Variants in KLHL4 observed in about 807,000 individuals in gnomAD.
The protein encoded by KLHL4 is kelch-like protein 4.
KLHL4 carries 17 observed loss-of-function variants against 45.8 expected under a neutral mutation model. The ratio of observed to expected loss-of-function variants is 0.37; its 90% CI spans 0.25 to 0.56. The LOEUF is 0.56. Among genes scored for constraint, KLHL4 ranks in the 20% least tolerant of loss-of-function variants. KLHL4 has a pLI of 0.79. For missense variants in KLHL4, 544 were observed against 544.9 expected (o/e 1.00, Z 0.02); for synonymous variants, 224 against 189.9 (o/e 1.18, Z -1.47).
At chrX:87,523,941 C>T (rs1384872196) in intron 1 of KLHL4, among the ~76,000 whole-genome samples, 10 of 109,513 alleles carry the variant, frequency 9.1e-5, no homozygotes, top group South Asian at 7.8e-4. Context: ...CCAGCCTGGG[C>T]GACAGAGTGA....
At chrX:87,597,897 G>T (rs941134201) in intron 1 of KLHL4, among the ~76,000 whole-genome samples, 4 of 110,085 alleles carry the variant, frequency 3.6e-5, no homozygotes, top group Admixed American at 2.9e-4. Flanking sequence ...TCTAGTAATT[G>T]GATATTTGGT....
chrX:87,538,766 C>T (rs5969241), intron 1 of KLHL4, among the ~76,000 whole-genome samples: 25,886 of 110,021 alleles, frequency 0.24, 2,648 homozygotes, highest in East Asian at 0.52. Flanking sequence ...ATTTTCAATC[C>T]TTCACCTTCC....
At position 87,517,919 on chromosome X, in the gene KLHL4, T is replaced by C. The variant is rs1223589345; in HGVS notation, c.26T>C (p.Phe9Ser). 2.5e-6 allele frequency: 3 copies of C among 1,206,455 alleles called. No homozygotes were observed. The highest frequency in any genetic ancestry group is 3.4e-6 in the Non-Finnish European group (3 of 893,290). The change falls in exon 1 of 11, where the codon TTT becomes TCT. Residue 9 changes from phenylalanine (F) to serine (S), a missense_variant. Coordinates refer to ENST00000373119, the MANE Select transcript of KLHL4 (RefSeq NM_019117.5). Reference protein sequence around the residue: MSVSGKKEFDVKQILRLRW... With the variant: MSVSGKKESDVKQILRLRW... The stretch of plus-strand genomic sequence containing the variant: ...ATGTCAGTGTCTGGCAAGAAAGAGT[T>C]TGATGTGAAACAGATCCTAAGGCTA...
chrX:87,544,315 C>T (rs762073625), intron 1 of KLHL4, among the ~76,000 whole-genome samples: 22 of 111,563 alleles, frequency 2.0e-4, no homozygotes, highest in Non-Finnish European at 3.6e-4. Flanking sequence ...CAGTAAAATA[C>T]CAGGTAGGTT....
chrX:87,519,968 C>T (rs1000733966), intron 1 of KLHL4, among the ~76,000 whole-genome samples: 4 of 111,772 alleles, frequency 3.6e-5, no homozygotes, highest in Admixed American at 9.6e-5. Context: ...GTTTAAAAAG[C>T]GCATTTATCC....
chrX:87,610,028 C>G (rs1000462511), intron 1 of KLHL4, among the ~76,000 whole-genome samples: 1 of 111,688 alleles, frequency 9.0e-6, no homozygotes, highest in Non-Finnish European at 1.9e-5. Context: ...AATGTCAAAA[C>G]TATATCAAGG....
chrX:87,666,462 T>G lies in KLHL4; in HGVS notation c.2098-13T>G. 1 of 1,173,615 alleles carries G rather than the reference T, an allele frequency of 8.5e-7. No homozygotes were observed. The highest frequency in any genetic ancestry group is 1.2e-6 in the Non-Finnish European group (1 of 865,513). On this transcript the variant is annotated splice_polypyrimidine_tract_variant and intron_variant, in intron 10 of 10. Coordinates refer to ENST00000373119, the MANE Select transcript of KLHL4 (RefSeq NM_019117.5). ...AGTTCCAACAGTGTTTTGTTTCTTA[T>G]TTTGTGTTTTAGGAAGTTCCTGTTA...
intron 1 of KLHL4, among the ~76,000 whole-genome samples, chrX:87,592,436 T>C (rs1436245049): frequency 9.0e-6 from 1 of 111,575 alleles, no homozygotes; most frequent in Non-Finnish European, 1.9e-5. Flanking sequence ...GAGACAGCCA[T>C]ACTGTGCTTC....
chrX:87,518,632 G>A, intron 1 of KLHL4, among the ~76,000 whole-genome samples: 1 of 111,808 alleles, frequency 8.9e-6, no homozygotes, highest in South Asian at 3.7e-4. Flanking sequence ...TGGCTCAGAT[G>A]TTTAAATGCA....
intron 7 of KLHL4, among the ~76,000 whole-genome samples, chrX:87,632,890 G>T (rs1923144036): frequency 9.0e-6 from 1 of 111,091 alleles, no homozygotes. Context: ...ATAAGAGTTG[G>T]CTGAACAACA....
intron 1 of KLHL4, among the ~76,000 whole-genome samples, chrX:87,595,019 C>T (rs1431971615): frequency 2.0e-5 from 2 of 101,162 alleles, no homozygotes; most frequent in African/African-American, 7.2e-5. Context: ...ACCCTTCTCT[C>T]TTTTTTTTTT....
intron 1 of KLHL4, among the ~76,000 whole-genome samples, chrX:87,589,249 G>C (rs745387366): frequency 1.5e-4 from 17 of 111,980 alleles, no homozygotes; most frequent in Non-Finnish European, 2.6e-4. Flanking sequence ...CAATTTGGAT[G>C]TTCCTCAATC....
intron 1 of KLHL4, among the ~76,000 whole-genome samples, chrX:87,583,236 C>T (rs1287525257): frequency 8.9e-6 from 1 of 111,796 alleles, no homozygotes; most frequent in East Asian, 2.9e-4. Flanking sequence ...TTACAATCCT[C>T]TTGTAAGACA....
chrX:87,548,952 A>C (rs1931747348), intron 1 of KLHL4, among the ~76,000 whole-genome samples: 2 of 110,221 alleles, frequency 1.8e-5, no homozygotes, highest in Admixed American at 1.9e-4. Flanking sequence ...AAATGGACTA[A>C]ACTGTCCAAT....
intron 1 of KLHL4, among the ~76,000 whole-genome samples, chrX:87,523,049 T>A (rs1931034918): frequency 8.9e-6 from 1 of 112,248 alleles, no homozygotes; most frequent in Non-Finnish European, 1.9e-5. Flanking sequence ...GTGAAAGACA[T>A]CATTTAATTT....
chrX:87,519,802 C>G (rs1309575303), intron 1 of KLHL4, among the ~76,000 whole-genome samples: 1 of 111,859 alleles, frequency 8.9e-6, no homozygotes, highest in African/African-American at 3.2e-5. Flanking sequence ...GAATTTAACT[C>G]TGCTGTAGGG....
At chrX:87,567,924 G>A in intron 1 of KLHL4, among the ~76,000 whole-genome samples, 1 of 110,848 alleles carries the variant, frequency 9.0e-6, no homozygotes. Flanking sequence ...GTTCCCATGA[G>A]ACAGACCTGC....
At chrX:87,568,192 G>A (rs1932254057) in intron 1 of KLHL4, among the ~76,000 whole-genome samples, 1 of 108,607 alleles carries the variant, frequency 9.2e-6, no homozygotes, top group Non-Finnish European at 1.9e-5. Context: ...GAGAAAATGG[G>A]GCTTTATTGT....
intron 9 of KLHL4, among the ~76,000 whole-genome samples, chrX:87,661,304 A>G (rs1231182449): frequency 8.9e-6 from 1 of 111,826 alleles, no homozygotes; most frequent in East Asian, 2.8e-4. Context: ...ATGAAACTAT[A>G]TAAGTTGATT....
Sources: gnomAD v4.1 joint callset for allele counts (sites outside exome capture counted in the v4.1 genomes callset) on GRCh38, gnomAD v4.1.1 for gene constraint, MANE v1.5 for transcripts, NCBI Gene and HGNC (gene_info 2026-07-23, HGNC 2026-07-21) for gene names.